Variants in YTHDC2 observed in about 807,000 individuals in gnomAD.
The protein encoded by YTHDC2 is YTH N6-methyladenosine RNA binding protein C2.
Under a neutral mutation model 174.9 loss-of-function variants are expected in YTHDC2, and 45 were observed. The ratio of observed to expected loss-of-function variants is 0.26; its 90% CI spans 0.20 to 0.33. The LOEUF (loss-of-function observed/expected upper bound fraction) is 0.33, where lower values mean the gene tolerates loss of function less well. Ranked by LOEUF, YTHDC2 falls within the 10% of genes least tolerant of loss-of-function variation. YTHDC2 has a pLI of 1.00. For synonymous variants in YTHDC2, 657 were observed against 574.5 expected, an observed-to-expected ratio of 1.14 and a Z score of -2.05; for missense variants, 1,650 against 1,723.7, an observed-to-expected ratio of 0.96 and a Z score of 0.76.
chr5:113,531,086 C>G (rs555837174), intron 4 of YTHDC2, among the ~76,000 whole-genome samples: 6 of 152,284 alleles, frequency 3.9e-5, no homozygotes, highest in Admixed American at 6.5e-5. Flanking sequence ...GTTTTCCCCC[C>G]ACTCTGGCTT....
intron 7 of YTHDC2, among the ~76,000 whole-genome samples, chr5:113,538,091 A>AT (rs944612058): frequency 7.9e-4 from 120 of 152,006 alleles, no homozygotes; most frequent in African/African-American, 2.7e-3. Flanking sequence ...TTGACACTTT[A>AT]TTTTTTTTCC....
At chr5:113,578,979 A>C (rs1328515244) in intron 23 of YTHDC2, among the ~76,000 whole-genome samples, 1 of 152,068 alleles carries the variant, frequency 6.6e-6, no homozygotes, top group Non-Finnish European at 1.5e-5. Flanking sequence ...GTATTTTTAT[A>C]ATCTCATTTT....
intron 6 of YTHDC2, 137 bp from the exon 7 acceptor site, chr5:113,535,505 A>C (rs550848590): frequency 3.8e-6 from 3 of 785,502 alleles, no homozygotes; most frequent in Admixed American, 3.8e-5. Flanking sequence ...CTGTAATACA[A>C]AATTTTCATG....
At chr5:113,589,160 C>T (rs1043590585) in intron 26 of YTHDC2, among the ~76,000 whole-genome samples, 6 of 151,484 alleles carry the variant, frequency 4.0e-5, no homozygotes, top group Non-Finnish European at 5.9e-5. Flanking sequence ...CCTGAAGAAC[C>T]TCCTTTCTGG....
chr5:113,543,183 A>C (rs904303808), intron 10 of YTHDC2, among the ~76,000 whole-genome samples: 3 of 152,140 alleles, frequency 2.0e-5, no homozygotes, highest in African/African-American at 4.8e-5. Context: ...AATATACCTT[A>C]TCACTTGTTA....
intron 2 of YTHDC2, among the ~76,000 whole-genome samples, chr5:113,519,081 C>G (rs1413812564): frequency 6.6e-6 from 1 of 151,804 alleles, no homozygotes; most frequent in Non-Finnish European, 1.5e-5. Context: ...CTATGTTGCC[C>G]AGCCTGGTCT....
intron 17 of YTHDC2, among the ~76,000 whole-genome samples, chr5:113,559,718 G>A (rs1199356138): frequency 1.3e-5 from 2 of 152,152 alleles, no homozygotes; most frequent in Non-Finnish European, 2.9e-5. Flanking sequence ...TAGATCAACT[G>A]CAGACAAGAG....
intron 26 of YTHDC2, among the ~76,000 whole-genome samples, chr5:113,589,384 C>A (rs1451134221): frequency 2.5e-5 from 2 of 80,420 alleles, no homozygotes; most frequent in African/African-American, 9.9e-5. Flanking sequence ...AAGTTCAAGT[C>A]TTTTAAAAAT....
chr5:113,533,213 T>A (rs1173239805), intron 5 of YTHDC2, among the ~76,000 whole-genome samples, 168 bp downstream of exon 5: 3 of 152,124 alleles, frequency 2.0e-5, no homozygotes. Context: ...TAGTATTGAA[T>A]GAAGAGTTTG....
intron 23 of YTHDC2, among the ~76,000 whole-genome samples, chr5:113,571,492 A>C (rs764122199): frequency 2.6e-5 from 4 of 152,346 alleles, no homozygotes; most frequent in South Asian, 2.1e-4. Flanking sequence ...CTGGTCTTAC[A>C]GTATGAGTTA....
Position 113,542,435 on chromosome 5 carries a change from T to C in YTHDC2, c.1427T>C (p.Ile476Thr), listed in dbSNP as rs144860761. The change falls in exon 10 of 30, where the codon ATA (isoleucine) becomes ACA (threonine). Residue 476 changes from isoleucine to threonine, a missense_variant. Around this residue, in one of 5 missense-constraint regions of YTHDC2, gnomAD observed 411 missense variants for 380.6 expected, o/e 1.08. Transcript: ENST00000161863. ...GAAATGGATGCTTGCCTTTCTGATA[T>C]ATGGCTACATAAAGATATTGATGCC... ...IKEMDACLSD[I>T]WLHKDIDAFA... 57 of 1,612,996 alleles carry C rather than the reference T, an allele frequency of 3.5e-5. No homozygotes were observed. The highest frequency in any genetic ancestry group is 1.7e-4 in the African/African-American group (13 of 74,908).
intron 10 of YTHDC2, among the ~76,000 whole-genome samples, chr5:113,543,815 T>C (rs554460373): frequency 1.3e-5 from 2 of 152,226 alleles, no homozygotes; most frequent in East Asian, 3.8e-4. Flanking sequence ...TTTGGGACTT[T>C]GTTTTGTTGT....
At chr5:113,546,680 A>G (rs1268036013) in intron 10 of YTHDC2, among the ~76,000 whole-genome samples, 1 of 152,172 alleles carries the variant, frequency 6.6e-6, no homozygotes. Context: ...TATTATCTCC[A>G]TAGTTTCTGA....
chr5:113,525,010 A>T lies in YTHDC2; in HGVS notation c.308A>T (p.Lys103Met). ...GKGANRYLTV[K>M]KKDGSETAHA... The stretch of plus-strand genomic sequence containing the variant: ...GGAGCAAATAGATACCTAACTGTGA[A>T]GAAGAAAGATGGATCAGAAACAGCT... Residue 103 changes from lysine to methionine, a missense_variant, in exon 3 of 30, where the codon AAG becomes ATG. By Grantham distance (95) the Lys-to-Met change is moderately conservative. Coordinates refer to ENST00000161863, the MANE Select transcript of YTHDC2 (RefSeq NM_022828.5). 6.2e-7 allele frequency: 1 copy of T among 1,606,364 alleles called. No individual in the cohort carries two copies. The highest frequency in any genetic ancestry group is 8.5e-7 in the Non-Finnish European group (1 of 1,177,576).
chr5:113,559,183 A>T (rs1241786331), intron 17 of YTHDC2, among the ~76,000 whole-genome samples: 1 of 152,120 alleles, frequency 6.6e-6, no homozygotes, highest in Non-Finnish European at 1.5e-5. Context: ...AAGGGTGGGT[A>T]TAGTGTAGGG....
chr5:113,515,975 G>A (rs1773394903), intron 2 of YTHDC2, among the ~76,000 whole-genome samples: 2 of 152,162 alleles, frequency 1.3e-5, no homozygotes, highest in Admixed American at 1.3e-4. Context: ...TGGTAAAGCA[G>A]GGGAAGGCGG....
chr5:113,541,157 A>G (rs1402995230), intron 9 of YTHDC2, 41 bp downstream of exon 9: 1 of 1,605,986 alleles, frequency 6.2e-7, no homozygotes, highest in South Asian at 1.1e-5. Context: ...TTGTGTGAAA[A>G]TTGTGTAGGT....
In YTHDC2 at chr5:113,534,287, T is replaced by G; in HGVS notation, c.843-18T>G. ...AAAACTTGCAATTGTGCACTTTGTTTTGCTTTTTTTTTAAAAGGGTTTCTC... is the reference window on the plus strand; with the variant it reads ...AAAACTTGCAATTGTGCACTTTGTTGTGCTTTTTTTTTAAAAGGGTTTCTC... On this transcript the variant is annotated intron_variant, in intron 5 of 29. Coordinates refer to ENST00000161863, the MANE Select transcript of YTHDC2 (RefSeq NM_022828.5). The G allele has an allele frequency of 6.2e-7, 1 of 1,603,558 alleles. No individual in the cohort carries two copies. The highest frequency in any genetic ancestry group is 1.1e-5 in the South Asian group (1 of 90,344).
intron 9 of YTHDC2, among the ~76,000 whole-genome samples, chr5:113,541,531 C>A (rs1401531100): frequency 1.3e-5 from 2 of 152,026 alleles, no homozygotes; most frequent in Admixed American, 6.6e-5. Context: ...AATGGTAATT[C>A]TCTTGGTTTA....
Sources: gnomAD v4.1 joint callset for allele counts (sites outside exome capture counted in the v4.1 genomes callset) on GRCh38, gnomAD v4.1.1 for gene constraint, gnomAD v4.1.1 regional missense constraint, MANE v1.5 for transcripts, NCBI Gene and HGNC (gene_info 2026-07-23, HGNC 2026-07-21) for gene names.